MBNL2: variants seen among roughly 807,000 people sequenced by gnomAD.
MBNL2 encodes muscleblind like splicing regulator 2.
In MBNL2, 17 loss-of-function variants were observed where a neutral mutation model predicts 41.9. That is an observed-to-expected ratio of 0.41 (90% confidence interval 0.28 to 0.61). The LOEUF (loss-of-function observed/expected upper bound fraction) is 0.61, where lower values mean the gene tolerates loss of function less well. MBNL2 is among the 20% of genes least tolerant of loss of function. The pLI is 0.35. For missense variants in MBNL2, 336 were observed against 505.6 expected, an observed-to-expected ratio of 0.66 and a Z score of 3.22; for synonymous variants, 195 against 182.9, an observed-to-expected ratio of 1.07 and a Z score of -0.53.
At chr13:97,264,347 T>C (rs1255987766) in intron 1 of MBNL2, among the ~76,000 whole-genome samples, 1 of 152,164 alleles carries the variant, frequency 6.6e-6, no homozygotes, top group African/African-American at 2.4e-5. Flanking sequence ...TTATTTAACT[T>C]GTTAGGAACT....
intron 2 of MBNL2, among the ~76,000 whole-genome samples, chr13:97,287,934 G>GTTTTTTTTTTTTTT (rs1397865029): frequency 1.4e-5 from 1 of 73,638 alleles, no homozygotes; most frequent in African/African-American, 4.8e-5. Flanking sequence ...TTTTTGTTTT[G>GTTTTTTTTTTTTTT]TTTTGTTTTT....
At chr13:97,179,739 C>T in the MBNL2 span, 1 of 152,236 alleles carries the variant, frequency 6.6e-6, no homozygotes, top group South Asian at 2.1e-4. Flanking sequence ...CCAGTTCGTG[C>T]TTGTCCCAGC....
At chr13:97,330,384 C>T (rs1292262409) in intron 2 of MBNL2, among the ~76,000 whole-genome samples, 1 of 152,186 alleles carries the variant, frequency 6.6e-6, no homozygotes. Context: ...TCCCCATCTC[C>T]GTCTCCACCC....
intron 1 of MBNL2, among the ~76,000 whole-genome samples, chr13:97,267,851 C>A (rs1409694640): frequency 6.6e-6 from 1 of 152,170 alleles, no homozygotes; most frequent in Non-Finnish European, 1.5e-5. Context: ...AACTCAAAAG[C>A]CTGCAGGTAA....
Position 97,268,393 on chromosome 13 carries a change from G to A in MBNL2, c.-604-7239G>A, listed in dbSNP as rs1340368182. On this transcript the variant is annotated intron_variant, in intron 1 of 8. Coordinates refer to ENST00000679496, the MANE Select transcript of MBNL2 (RefSeq NM_001382683.1). This position sits in a 1 kb window ranked among gnomAD's most constrained non-coding sequence, Gnocchi z 4.6. ...TGGGATTACAGGTGTGAGCCACTGC[G>A]CCGGGCCGAGAGTGTGCATTCCTAA... is the stretch of plus-strand genomic sequence containing the variant. Among the ~76,000 whole-genome samples, 1 of 152,104 alleles carries A rather than the reference G, an allele frequency of 6.6e-6. No individual in the cohort carries two copies. The highest frequency in any genetic ancestry group is 2.4e-5 in the African/African-American group (1 of 41,402).
rs774072777 is a variant in MBNL2, at chr13:97,323,443, A to G, written c.175-10833A>G. 6.0e-4 allele frequency among the ~76,000 whole-genome samples: 92 copies of G among 152,216 alleles called. 1 individual carries two copies. The highest frequency in any genetic ancestry group is 1.9e-4 in the Non-Finnish European group (13 of 68,044). On this transcript the variant is annotated intron_variant, in intron 2 of 8. Transcript: ENST00000679496. ...TTGCGTCTGTACTGAACATGGTCAG[A>G]CTTTTGTCTTGGCATTATTCCCTAA...
the MBNL2 span, among the ~76,000 whole-genome samples, chr13:97,150,329 A>G: frequency 1.3e-5 from 2 of 152,222 alleles, no homozygotes; most frequent in Admixed American, 1.3e-4. Flanking sequence ...TTGAGGCTAC[A>G]TGAAGCAGGA....
chr13:97,372,775 A>G (rs1194856823), intron 8 of MBNL2, among the ~76,000 whole-genome samples: 2 of 152,230 alleles, frequency 1.3e-5, no homozygotes, highest in African/African-American at 4.8e-5. Flanking sequence ...AGTTATTTGT[A>G]TATGGGTTCT....
At position 97,324,541 on chromosome 13, in the gene MBNL2, G is replaced by A. The variant is rs537562232; in HGVS notation, c.175-9735G>A. On this transcript the variant is annotated intron_variant, in intron 2 of 8. Transcript: ENST00000679496. ...ACTCTATGAAGTCAAACAGCCACTAGATTGGTATATTTGTCAGTGTTCTCT... is the reference window on the plus strand; with the variant it reads ...ACTCTATGAAGTCAAACAGCCACTAAATTGGTATATTTGTCAGTGTTCTCT... Among the ~76,000 whole-genome samples, 24 of 152,294 alleles carry A rather than the reference G, an allele frequency of 1.6e-4. No homozygotes were observed. In the South Asian group the frequency reaches 5.0e-3, roughly 32 times the overall value.
At chr13:97,144,993 C>T in the MBNL2 span, among the ~76,000 whole-genome samples, 1 of 152,172 alleles carries the variant, frequency 6.6e-6, no homozygotes, top group African/African-American at 2.4e-5. Flanking sequence ...TTGTGCTTCC[C>T]CCACCAATTT....
the MBNL2 span, among the ~76,000 whole-genome samples, chr13:97,149,843 T>C: frequency 6.6e-6 from 1 of 152,196 alleles, no homozygotes; most frequent in Admixed American, 6.5e-5. Flanking sequence ...GAAAGTTATT[T>C]CCTAAGAGGG....
chr13:97,374,155 T>TTTA (rs1226757556), intron 8 of MBNL2, among the ~76,000 whole-genome samples: 1 of 151,182 alleles, frequency 6.6e-6, no homozygotes. Context: ...TTATTTTATT[T>TTTA]TTATTTTTTT....
chr13:97,183,859 C>T, the MBNL2 span, among the ~76,000 whole-genome samples: 1 of 152,220 alleles, frequency 6.6e-6, no homozygotes, highest in Non-Finnish European at 1.5e-5. Context: ...CATAAACATG[C>T]TTCCAGGCAA....
At chr13:97,232,110 G>A (rs2042467000) in intron 1 of MBNL2, among the ~76,000 whole-genome samples, 1 of 152,140 alleles carries the variant, frequency 6.6e-6, no homozygotes, top group Non-Finnish European at 1.5e-5. Context: ...ATTATGAGAA[G>A]AGACAGCTGT....
chr13:97,318,533 T>C (rs1043690621), intron 2 of MBNL2, among the ~76,000 whole-genome samples: 3 of 152,212 alleles, frequency 2.0e-5, no homozygotes, highest in Non-Finnish European at 4.4e-5. Flanking sequence ...ACAATGGTAT[T>C]TGACTGCATT....
At chr13:97,290,500 C>A (rs1478582024) in intron 2 of MBNL2, among the ~76,000 whole-genome samples, 1 of 151,676 alleles carries the variant, frequency 6.6e-6, no homozygotes, top group South Asian at 2.1e-4. Flanking sequence ...CAAGGTGAAA[C>A]CCCGTCTCTA....
chr13:97,246,102 A>T (rs1000987090), intron 1 of MBNL2, among the ~76,000 whole-genome samples: 53 of 152,240 alleles, frequency 3.5e-4, no homozygotes, highest in African/African-American at 1.3e-3. Flanking sequence ...TTAAATTGGA[A>T]CTAGCCTCCA....
At chr13:97,159,865 A>G in the MBNL2 span, among the ~76,000 whole-genome samples, 2 of 151,440 alleles carry the variant, frequency 1.3e-5, no homozygotes, top group African/African-American at 4.9e-5. Context: ...GAATCTGACA[A>G]TTATGTGTCT....
chr13:97,174,942 T>A, the MBNL2 span, among the ~76,000 whole-genome samples: 2 of 152,156 alleles, frequency 1.3e-5, no homozygotes, highest in Non-Finnish European at 2.9e-5. Context: ...CAGACTTGGA[T>A]CCCTGGGAAG....
Sources: gnomAD v4.1 joint callset for allele counts (sites outside exome capture counted in the v4.1 genomes callset) on GRCh38, gnomAD v4.1.1 for gene constraint, Gnocchi (gnomAD v3.1) non-coding constraint, MANE v1.5 for transcripts, NCBI Gene and HGNC (gene_info 2026-07-23, HGNC 2026-07-21) for gene names.